AMOTL1: variants seen among roughly 807,000 people sequenced by gnomAD.
The protein encoded by AMOTL1 is angiomotin like 1, also known as angiomotin-like protein 1.
Under a neutral mutation model 102.9 loss-of-function variants are expected in AMOTL1, and 45 were observed. The ratio of observed to expected loss-of-function variants is 0.44; its 90% CI spans 0.34 to 0.56. AMOTL1 has a LOEUF of 0.56. Ranked by LOEUF, AMOTL1 falls within the 20% of genes least tolerant of loss-of-function variation. AMOTL1 has a pLI of 0.01. For missense variants in AMOTL1, 1,114 were observed against 1,225.6 expected, an observed-to-expected ratio of 0.91 and a Z score of 1.36; for synonymous variants, 481 against 484.7, an observed-to-expected ratio of 0.99 and a Z score of 0.10.
rs148093663 is a variant in AMOTL1 at position 94,824,915 on chromosome 11, G to A, written c.1413+3094G>A. On this transcript the variant is annotated intron_variant, in intron 4 of 12. Coordinates refer to ENST00000433060, the MANE Select transcript of AMOTL1 (RefSeq NM_130847.3). ...TTGCAGAATTTAGCCTATGCATACT[G>A]TGCCAGGAACACAGCAGAAGAAAAC... 3.3e-5 allele frequency among the ~76,000 whole-genome samples: 5 copies of A among 152,300 alleles called. No homozygotes were observed. The East Asian group carries it at 9.6e-4, about 29-fold the overall frequency.
intron 3 of AMOTL1, among the ~76,000 whole-genome samples, chr11:94,804,413 C>T (rs1020626021): frequency 1.3e-5 from 2 of 152,166 alleles, no homozygotes; most frequent in Admixed American, 6.5e-5. Context: ...ATAGTCTCCC[C>T]AGTAGCTGCG....
intron 9 of AMOTL1, among the ~76,000 whole-genome samples, chr11:94,861,266 G>A (rs1446655396): frequency 3.3e-5 from 5 of 152,192 alleles, no homozygotes; most frequent in Admixed American, 1.3e-4. Context: ...AGTCCCTGCA[G>A]TATATGGATG....
At chr11:94,725,977 T>G (rs1431948353) in intron 1 of AMOTL1, among the ~76,000 whole-genome samples, 3 of 152,158 alleles carry the variant, frequency 2.0e-5, no homozygotes, top group Non-Finnish European at 4.4e-5. Context: ...AGGGACTCAC[T>G]GAAGTTGTCA....
intron 1 of AMOTL1, among the ~76,000 whole-genome samples, chr11:94,715,012 A>G (rs919610235): frequency 6.6e-6 from 1 of 151,876 alleles, no homozygotes; most frequent in South Asian, 2.1e-4. Flanking sequence ...GGTGCTATAA[A>G]TTTTTCTTTT....
intron 1 of AMOTL1, among the ~76,000 whole-genome samples, chr11:94,777,306 G>A (rs1951040519): frequency 6.6e-6 from 1 of 152,170 alleles, no homozygotes; most frequent in Non-Finnish European, 1.5e-5. Context: ...TCAAAAATGA[G>A]TGGTAAGTGG....
At chr11:94,732,248 C>T (rs1591906712) in intron 2 of AMOTL1, among the ~76,000 whole-genome samples, 1 of 152,182 alleles carries the variant, frequency 6.6e-6, no homozygotes, top group South Asian at 2.1e-4. Context: ...ATTGCATTAT[C>T]TTCCAGGGAG....
Position 94,751,697 on chromosome 11 carries a change from G to A in AMOTL1, c.136+10709G>A, listed in dbSNP as rs565059128. 5.9e-5 allele frequency among the ~76,000 whole-genome samples: 8 copies of A among 136,108 alleles called. No individual in the cohort carries two copies. The East Asian group carries it at 1.7e-3, about 29-fold the overall frequency. 89.3% of individuals were successfully genotyped at this position (136,108 alleles called of 152,430 possible). A position where few individuals can be genotyped will look rare whatever the true frequency, so the allele number is the denominator to read the frequency against. ...CTGAAGATAAATGGTTATCTGCTTTGGCTAAAAAAAAAAAAAAGATCAAGG... is the reference window on the plus strand; with the variant it reads ...CTGAAGATAAATGGTTATCTGCTTTAGCTAAAAAAAAAAAAAAGATCAAGG... On this transcript the variant is annotated intron_variant, in intron 3 of 4. Transcript: ENST00000299004.
chr11:94,870,552 G>A (rs746470408), intron 12 of AMOTL1, 137 bp from the exon 13 acceptor site: 6 of 588,526 alleles, frequency 1.0e-5, no homozygotes, highest in East Asian at 8.4e-5. Context: ...CCCACTGTGG[G>A]CTGGATCATC....
chr11:94,766,838 T>G (rs1452852214), upstream of AMOTL1, among the ~76,000 whole-genome samples: 2 of 152,214 alleles, frequency 1.3e-5, no homozygotes, highest in African/African-American at 4.8e-5. Flanking sequence ...AGTTGACACT[T>G]TCTTAGATTC....
At chr11:94,731,635 T>A (rs955029887) in intron 2 of AMOTL1, among the ~76,000 whole-genome samples, 2 of 152,224 alleles carry the variant, frequency 1.3e-5, no homozygotes, top group Admixed American at 1.3e-4. Flanking sequence ...GCCTTTTTTG[T>A]ATAGATATAG....
chr11:94,869,934 G>A (rs766537077), intron 12 of AMOTL1, among the ~76,000 whole-genome samples: 2 of 152,204 alleles, frequency 1.3e-5, no homozygotes, highest in Non-Finnish European at 2.9e-5. Flanking sequence ...GTCGGTTAAC[G>A]TGTGGCACAG....
At chr11:94,842,365 A>G (rs562336021) in intron 6 of AMOTL1, among the ~76,000 whole-genome samples, 2 of 152,182 alleles carry the variant, frequency 1.3e-5, no homozygotes, top group Non-Finnish European at 2.9e-5. Flanking sequence ...GCAAGGCAGA[A>G]TGTGGCAAGG....
intron 3 of AMOTL1, among the ~76,000 whole-genome samples, chr11:94,741,149 C>T (rs1950519470): frequency 6.6e-6 from 1 of 151,986 alleles, no homozygotes; most frequent in African/African-American, 2.4e-5. Context: ...CCGGAACCGG[C>T]CTTTCCTCGG....
At chr11:94,848,893 C>G (rs1013248665) in intron 6 of AMOTL1, among the ~76,000 whole-genome samples, 1 of 152,156 alleles carries the variant, frequency 6.6e-6, no homozygotes, top group Non-Finnish European at 1.5e-5. Flanking sequence ...GTTAAATTAA[C>G]GAATGAATAT....
chr11:94,795,949 A>T (rs1057476074), intron 2 of AMOTL1, among the ~76,000 whole-genome samples: 1 of 152,222 alleles, frequency 6.6e-6, no homozygotes, highest in African/African-American at 2.4e-5. Context: ...ACCTGTCCCA[A>T]TGCCTGAACT....
At chr11:94,798,274 C>T (rs1353713272) in intron 2 of AMOTL1, among the ~76,000 whole-genome samples, 1 of 152,196 alleles carries the variant, frequency 6.6e-6, no homozygotes, top group Non-Finnish European at 1.5e-5. Context: ...ATACCTGGCA[C>T]ATCATATACA....
intron 3 of AMOTL1, among the ~76,000 whole-genome samples, chr11:94,805,146 T>G (rs1197722950): frequency 6.6e-6 from 1 of 152,216 alleles, no homozygotes; most frequent in Non-Finnish European, 1.5e-5. Flanking sequence ...AGATTTAAGC[T>G]TTCACTTGGG....
intron 3 of AMOTL1, among the ~76,000 whole-genome samples, chr11:94,763,041 T>G (rs1480808367): frequency 6.6e-6 from 1 of 152,114 alleles, no homozygotes; most frequent in East Asian, 1.9e-4. Context: ...CCACACAGAG[T>G]CCTTGATAAG....
chr11:94,818,866 A>G (rs541385742), intron 3 of AMOTL1, among the ~76,000 whole-genome samples: 1 of 152,342 alleles, frequency 6.6e-6, no homozygotes, highest in African/African-American at 2.4e-5. Context: ...GAAGCTAGAC[A>G]ACTTAAGCTA....
Sources: gnomAD v4.1 joint callset for allele counts (sites outside exome capture counted in the v4.1 genomes callset) on GRCh38, gnomAD v4.1.1 for gene constraint, MANE v1.5 for transcripts, NCBI Gene and HGNC (gene_info 2026-07-23, HGNC 2026-07-21) for gene names.